The following POU6F2 variants were observed in gnomAD, a reference collection of about 807,000 sequenced individuals.
POU6F2 encodes the protein POU class 6 homeobox 2, also known as POU domain, class 6, transcription factor 2.
In POU6F2, 31 loss-of-function variants were observed where a neutral mutation model predicts 71.3. The observed-to-expected ratio is 0.43, with a 90% CI of 0.33 to 0.59. The LOEUF is 0.59. Among genes scored for constraint, POU6F2 ranks in the 20% least tolerant of loss-of-function variants. The probability of loss-of-function intolerance (pLI) is 0.04; values close to 1 mark genes in which losing one functional copy is unlikely to be tolerated. For synonymous variants in POU6F2, 347 were observed against 355.7 expected (o/e 0.98, Z 0.27); for missense variants, 783 against 856.8 (o/e 0.91, Z 1.07).
In POU6F2 at chr7:39,242,938, C is replaced by CAGT. The variant is rs1783753402; in HGVS notation, c.598+35320_598+35321insTAG. ...AGAAAATCACTCACTTAAGTTCATA[C>CAGT]AGCTATTAAGAGTAAGTGACATCTG... On this transcript the variant is annotated intron_variant, in intron 4 of 9. Coordinates refer to ENST00000518318, the MANE Select transcript of POU6F2 (RefSeq NM_001370959.1). 4.6e-5 allele frequency among the ~76,000 whole-genome samples: 7 copies of CAGT among 152,202 alleles called. No homozygotes were observed. In the South Asian group the frequency reaches 1.0e-3, roughly 23 times the overall value.
chr7:39,338,999 G>C (rs1016213652), intron 4 of POU6F2, among the ~76,000 whole-genome samples: 4 of 151,666 alleles, frequency 2.6e-5, no homozygotes, highest in Non-Finnish European at 5.9e-5. Flanking sequence ...TAGGGGTTCT[G>C]TCTCTTTAAT....
chr7:39,256,243 A>G (rs1784019629), intron 4 of POU6F2, among the ~76,000 whole-genome samples: 1 of 151,982 alleles, frequency 6.6e-6, no homozygotes, highest in Non-Finnish European at 1.5e-5. Flanking sequence ...GTGACCTTGC[A>G]CACAGCAGGC....
At chr7:39,425,839 A>C (rs957702086) in intron 6 of POU6F2, among the ~76,000 whole-genome samples, 1 of 152,042 alleles carries the variant, frequency 6.6e-6, no homozygotes, top group Non-Finnish European at 1.5e-5. Flanking sequence ...ATTGGCCTTA[A>C]TATTTGAGAG....
intron 2 of POU6F2, among the ~76,000 whole-genome samples, chr7:39,152,627 A>C (rs1792784770): frequency 6.6e-6 from 1 of 151,724 alleles, no homozygotes; most frequent in Non-Finnish European, 1.5e-5. Flanking sequence ...AGTGGAAATC[A>C]CTCCCTAGGT....
At chr7:39,393,637 C>G (rs1787117488) in intron 5 of POU6F2, among the ~76,000 whole-genome samples, 1 of 152,102 alleles carries the variant, frequency 6.6e-6, no homozygotes, top group Non-Finnish European at 1.5e-5. Context: ...CTACTGGTCC[C>G]CTAAAAATAT....
chr7:39,402,747 A>G (rs1393446624), intron 5 of POU6F2, among the ~76,000 whole-genome samples: 1 of 152,180 alleles, frequency 6.6e-6, no homozygotes, highest in East Asian at 1.9e-4. Flanking sequence ...AAATACTTTT[A>G]CACATTCTTC....
At chr7:39,195,409 G>A (rs1793766679) in intron 2 of POU6F2, among the ~76,000 whole-genome samples, 1 of 152,170 alleles carries the variant, frequency 6.6e-6, no homozygotes, top group South Asian at 2.1e-4. Context: ...ATCATATTCT[G>A]CATGACAGAT....
chr7:39,398,810 A>G (rs1336504352), intron 5 of POU6F2, among the ~76,000 whole-genome samples: 1 of 152,206 alleles, frequency 6.6e-6, no homozygotes, highest in Non-Finnish European at 1.5e-5. Context: ...CAAAACTTAT[A>G]TGGGGCTTAT....
Position 39,007,889 on chromosome 7 carries a change from G to A in POU6F2, c.105+29831G>A, listed in dbSNP as rs1004745886. ...TTTTATGGCTGCATAGTATTCCATC[G>A]TGTATATGTGCCACATTTTCTTAAT... On this transcript the variant is annotated intron_variant, in intron 1 of 9. Transcript: ENST00000518318. Among the ~76,000 whole-genome samples, 16 of 151,690 alleles carry A rather than the reference G, an allele frequency of 1.1e-4. No individual in the cohort carries two copies. The East Asian group carries it at 1.5e-3, about 15-fold the overall frequency.
At chr7:39,260,828 C>T (rs1784123271) in intron 4 of POU6F2, among the ~76,000 whole-genome samples, 5 of 151,782 alleles carry the variant, frequency 3.3e-5, no homozygotes, top group African/African-American at 9.7e-5. Context: ...ATTACACATA[C>T]CACAGACACA....
intron 1 of POU6F2, among the ~76,000 whole-genome samples, chr7:39,050,376 T>C (rs935546812): frequency 5.3e-5 from 8 of 152,100 alleles, no homozygotes; most frequent in Non-Finnish European, 7.4e-5. Flanking sequence ...CAGACAGTTT[T>C]TAGTTCAGGC....
chr7:39,356,165 TA>T (rs955172129), intron 5 of POU6F2, among the ~76,000 whole-genome samples: 3 of 152,234 alleles, frequency 2.0e-5, no homozygotes, highest in Non-Finnish European at 2.9e-5. Context: ...TTAATCTTCC[TA>T]AAAGAACATT....
intron 8 of POU6F2, among the ~76,000 whole-genome samples, chr7:39,457,098 C>T (rs1788823002): frequency 2.0e-5 from 3 of 152,168 alleles, no homozygotes; most frequent in Non-Finnish European, 1.5e-5. Context: ...ATCACACATA[C>T]GGATTTAGTT....
intron 1 of POU6F2, among the ~76,000 whole-genome samples, chr7:39,056,442 TG>T (rs1172901903): frequency 9.2e-5 from 14 of 152,184 alleles, no homozygotes; most frequent in African/African-American, 3.1e-4. Flanking sequence ...TGCTTTAAAT[TG>T]CCTTATGGCA....
intron 5 of POU6F2, among the ~76,000 whole-genome samples, chr7:39,344,273 G>A (rs1024319008): frequency 6.6e-6 from 1 of 152,128 alleles, no homozygotes; most frequent in Admixed American, 6.5e-5. Context: ...GGAATGAGGG[G>A]CACGGTCACC....
intron 7 of POU6F2, among the ~76,000 whole-genome samples, chr7:39,443,975 C>A (rs1452169392): frequency 6.6e-6 from 1 of 152,164 alleles, no homozygotes; most frequent in Non-Finnish European, 1.5e-5. Context: ...AGTCCACTTT[C>A]ATGAAGTAAA....
intron 1 of POU6F2, among the ~76,000 whole-genome samples, chr7:39,081,348 C>A (rs978551665): frequency 1.3e-5 from 2 of 152,128 alleles, no homozygotes; most frequent in Admixed American, 1.3e-4. Flanking sequence ...AAAGACCTCC[C>A]ATGGTCAGAT....
In POU6F2 at chr7:39,293,089, G is replaced by A. The variant is rs936041345; in HGVS notation, c.599-46553G>A. Among the ~76,000 whole-genome samples the A allele has an allele frequency of 1.2e-4, 18 of 152,258 alleles. No individual in the cohort carries two copies. In the South Asian group the frequency reaches 2.9e-3, roughly 25 times the overall value. ...CCAATCTAGCTCTGACACCTTTCTC[G>A]GTAAGCAGGGATTACACTTTGCTGT... On this transcript the variant is annotated intron_variant, in intron 4 of 9. Coordinates refer to ENST00000518318, the MANE Select transcript of POU6F2 (RefSeq NM_001370959.1).
At chr7:38,985,243 T>C (rs1317467532) in intron 1 of POU6F2, among the ~76,000 whole-genome samples, 2 of 152,076 alleles carry the variant, frequency 1.3e-5, no homozygotes, top group Admixed American at 6.6e-5. Flanking sequence ...TCTTAAATAA[T>C]ACTAGAAAAC....
Sources: allele counts gnomAD v4.1 joint callset (sites outside exome capture counted in the v4.1 genomes callset), GRCh38; gene constraint gnomAD v4.1.1; transcripts MANE v1.5; gene names NCBI Gene and HGNC (gene_info 2026-07-23, HGNC 2026-07-21).